DSC1: variants seen among roughly 807,000 people sequenced by gnomAD.
The protein encoded by DSC1 is desmocollin 1.
Under a neutral mutation model 98.8 loss-of-function variants are expected in DSC1, and 79 were observed. The observed-to-expected ratio is 0.80, with a 90% confidence interval of 0.67 to 0.96. DSC1 has a LOEUF of 0.96. Among genes scored for constraint, DSC1 ranks in the 50% least tolerant of loss-of-function variants. The probability of loss-of-function intolerance (pLI) is 0.00; values close to 1 mark genes in which losing one functional copy is unlikely to be tolerated. For missense variants in DSC1, 1,115 were observed against 1,075.9 expected (o/e 1.04, Z -0.51); for synonymous variants, 405 against 372.1 (o/e 1.09, Z -1.02).
At chr18:31,140,476 G>A (rs1239627136) in intron 9 of DSC1, among the ~76,000 whole-genome samples, 175 bp from the exon 10 acceptor site, 1 of 152,106 alleles carries the variant, frequency 6.6e-6, no homozygotes, top group Non-Finnish European at 1.5e-5. Context: ...ATTGCCAAAT[G>A]CAAAATTGTT....
At chr18:31,143,508 A>C in intron 8 of DSC1, 149 bp downstream of exon 8, 2 of 543,392 alleles carry the variant, frequency 3.7e-6, no homozygotes, top group Non-Finnish European at 5.8e-6. Context: ...TTTGTACAGA[A>C]ATCATATTTT....
intron 4 of DSC1, 135 bp from the exon 5 acceptor site, chr18:31,155,064 C>A: frequency 1.0e-6 from 1 of 1,001,412 alleles, no homozygotes. Context: ...GCTTAGGTGC[C>A]CATTATCTGC....
In DSC1 at chr18:31,145,707, A is replaced by G. The variant is rs763338846; in HGVS notation, c.843T>C (p.Tyr281=). 7 of 1,614,092 alleles carry G rather than the reference A, an allele frequency of 4.3e-6. No individual in the cohort carries two copies. The highest frequency in any genetic ancestry group is 2.7e-5 in the African/African-American group (2 of 74,938). The stretch of plus-strand genomic sequence containing the variant: ...GATCTGGGATTTGTTGTAAGATTTT[A>G]TATTTCAGACGAGTATGGAGAGTGT... ...EPDTLHTRLK[Y]KILQQIPDHP... Residue 281 remains tyrosine (Y), a synonymous_variant, in exon 7 of 16, where the codon TAT becomes TAC. Coordinates refer to ENST00000257198, the MANE Select transcript of DSC1 (RefSeq NM_024421.2).
chr18:31,134,234 T>A, intron 12 of DSC1, 104 bp from the exon 13 acceptor site: 1 of 1,407,824 alleles, frequency 7.1e-7, no homozygotes, highest in Non-Finnish European at 9.5e-7. Context: ...GAATAAAAAC[T>A]CGAATTTTTC....
intron 7 of DSC1, among the ~76,000 whole-genome samples, chr18:31,145,231 C>T (rs1484086395): frequency 6.6e-6 from 1 of 152,048 alleles, no homozygotes; most frequent in Non-Finnish European, 1.5e-5. Flanking sequence ...CGTGAGCCAC[C>T]GCGCCTGGCC....
intron 11 of DSC1, among the ~76,000 whole-genome samples, chr18:31,139,136 T>G (rs1353495746): frequency 2.0e-5 from 3 of 152,058 alleles, no homozygotes; most frequent in African/African-American, 7.2e-5. Context: ...TGATAGAAAT[T>G]TGTATGTTCA....
At chr18:31,148,730 T>TAA (rs3217442) in intron 5 of DSC1, 88 bp from the exon 6 acceptor site, 2,753 of 1,083,742 alleles carry the variant, frequency 2.5e-3, no homozygotes, top group East Asian at 0.011. Context: ...AATGTAACAT[T>TAA]AAAAAAAAAA....
chr18:31,141,248 A>C (rs79882348), intron 9 of DSC1, among the ~76,000 whole-genome samples: 41,300 of 151,870 alleles, frequency 0.27, 6,382 homozygotes, highest in East Asian at 0.52. Context: ...ACCTAAGAAC[A>C]AGAAAAGAAA....
intron 11 of DSC1, 147 bp from the exon 12 acceptor site, chr18:31,134,931 C>T: frequency 1.4e-6 from 1 of 692,516 alleles, no homozygotes; most frequent in Non-Finnish European, 2.4e-6. Flanking sequence ...GACACCAAGA[C>T]TACAAAATAG....
intron 9 of DSC1, among the ~76,000 whole-genome samples, chr18:31,140,724 C>T (rs1598617851): frequency 6.6e-6 from 1 of 152,206 alleles, no homozygotes; most frequent in East Asian, 1.9e-4. Context: ...CTATGCCTGA[C>T]TCAAAAGATA....
intron 2 of DSC1, among the ~76,000 whole-genome samples, chr18:31,159,047 GTTTTT>G (rs560889140): frequency 2.8e-5 from 2 of 71,096 alleles, no homozygotes; most frequent in Non-Finnish European, 5.1e-5. Context: ...CTACTATGTG[GTTTTT>G]TTTTTTTTTT....
Position 31,156,131 on chromosome 18 carries a change from G to A in DSC1, c.383C>T (p.Ala128Val), listed in dbSNP as rs1042671946. ...CCATCGTCTCTTGCTGCGCTTGAGG[G>A]CTGTGTCTTTGGTATGTCTCTTCTT... ...SPKKRHTKDT[A>V]LKRSKRRWAP... Residue 128 changes from alanine to valine, a missense_variant, in exon 4 of 16, where the codon GCC becomes GTC. Coordinates refer to ENST00000257198, the MANE Select transcript of DSC1 (RefSeq NM_024421.2). The A allele has an allele frequency of 5.6e-6, 9 of 1,613,976 alleles. No homozygotes were observed. Among genetic ancestry groups the A allele is most frequent in the Admixed American group, 3.3e-5 (2 of 59,984 alleles).
intron 1 of DSC1, among the ~76,000 whole-genome samples, chr18:31,161,544 CACTG>C (rs1276581539): frequency 6.6e-6 from 1 of 152,100 alleles, no homozygotes; most frequent in African/African-American, 2.4e-5. Flanking sequence ...CAGGTTAAAT[CACTG>C]ACTAAGTGGC....
chr18:31,158,434 T>C (rs3786168), intron 2 of DSC1, among the ~76,000 whole-genome samples: 85,169 of 152,126 alleles, frequency 0.56, 24,131 homozygotes, highest in East Asian at 0.66. Context: ...TTAGTGTATT[T>C]ACTATGTGTC....
chr18:31,156,499 C>G (rs1334233188), intron 3 of DSC1, among the ~76,000 whole-genome samples: 1 of 152,140 alleles, frequency 6.6e-6, no homozygotes, highest in Non-Finnish European at 1.5e-5. Flanking sequence ...ACTGGCACAA[C>G]CAAAATCTGT....
chr18:31,140,960 G>A (rs1034709925), intron 9 of DSC1, among the ~76,000 whole-genome samples: 8 of 152,080 alleles, frequency 5.3e-5, no homozygotes, highest in Non-Finnish European at 8.8e-5. Context: ...AATAAGTCTC[G>A]CAGGAGCTGA....
chr18:31,136,453 C>T (rs765229125), intron 11 of DSC1, among the ~76,000 whole-genome samples: 2 of 152,180 alleles, frequency 1.3e-5, no homozygotes, highest in African/African-American at 2.4e-5. Context: ...ATTCAACCAA[C>T]ATTTATCCCA....
rs1010913477 is a variant in DSC1 at position 31,142,185 on chromosome 18, C to T, written c.1075-1G>A. The T allele has an allele frequency of 8.1e-6, 13 of 1,606,352 alleles. No homozygotes were observed. The highest frequency in any genetic ancestry group is 9.3e-6 in the Non-Finnish European group (11 of 1,178,348). ...TGTTTTCTTCTACTTCTGTAACATA[C>T]TGAAAGAATTGCCCCTTATTATTAT... On this transcript the variant is annotated splice_acceptor_variant, in intron 8 of 15. Coordinates refer to ENST00000257198, the MANE Select transcript of DSC1 (RefSeq NM_024421.2). LOFTEE classifies it high-confidence loss of function.
intron 8 of DSC1, among the ~76,000 whole-genome samples, chr18:31,143,385 ATAAAATAAAAT>A (rs1988777290): frequency 2.1e-5 from 3 of 140,334 alleles, no homozygotes; most frequent in East Asian, 4.1e-4. Context: ...AAAAAATAAA[ATAAAATAAAAT>A]AAAAGTTTAA....
Sources: allele counts gnomAD v4.1 joint callset (sites outside exome capture counted in the v4.1 genomes callset), GRCh38; gene constraint gnomAD v4.1.1; transcripts MANE v1.5; gene names NCBI Gene and HGNC (gene_info 2026-07-23, HGNC 2026-07-21).